The following GABBR2 variants were observed in gnomAD, a reference collection of about 807,000 sequenced individuals.
GABBR2 encodes gamma-aminobutyric acid type B receptor subunit 2.
GABBR2 carries 23 observed loss-of-function variants against 105.6 expected under a neutral mutation model. That is an observed-to-expected ratio of 0.22 (90% CI 0.16 to 0.31). The LOEUF (loss-of-function observed/expected upper bound fraction) is 0.31, where lower values mean the gene tolerates loss of function less well. Among genes scored for constraint, GABBR2 ranks in the 10% least tolerant of loss-of-function variants. The pLI, the probability that GABBR2 is intolerant of heterozygous loss-of-function variation, is 1.00. For missense variants in GABBR2, 734 were observed against 1,245.5 expected (o/e 0.59, Z 6.18); for synonymous variants, 478 against 499.7 (o/e 0.96, Z 0.58).
rs529812338 is a variant in GABBR2, at chr9:98,706,121, A to C, written c.321+2296T>G. On this transcript the variant is annotated intron_variant, in intron 1 of 18. Coordinates refer to ENST00000259455, the MANE Select transcript of GABBR2 (RefSeq NM_005458.8). ...AAAACAAAAAAAACAAAAAAAAAAA[A>C]AAAAAGAAGGAGGAGGAGGAGGGGA... Among the ~76,000 whole-genome samples the C allele has an allele frequency of 1.1e-4, 17 of 149,670 alleles. 1 individual carries two copies. In the South Asian group the frequency reaches 3.6e-3, roughly 31 times the overall value.
intron 1 of GABBR2, among the ~76,000 whole-genome samples, chr9:98,653,145 T>G (rs946621579): frequency 1.3e-5 from 2 of 152,220 alleles, no homozygotes; most frequent in African/African-American, 2.4e-5. Flanking sequence ...TACAGGCATA[T>G]GCCCAAGCCC....
intron 6 of GABBR2, among the ~76,000 whole-genome samples, chr9:98,459,664 G>C (rs1449233718): frequency 6.6e-6 from 1 of 152,200 alleles, no homozygotes; most frequent in Non-Finnish European, 1.5e-5. Context: ...AAAGAGCCAA[G>C]AAAACAAACA....
chr9:98,658,576 C>A (rs752561735), intron 1 of GABBR2, among the ~76,000 whole-genome samples: 37 of 152,150 alleles, frequency 2.4e-4, no homozygotes, highest in Non-Finnish European at 4.7e-4. Context: ...GCGGAACCAG[C>A]ACTCTCACAC....
chr9:98,380,497 A>G (rs894964481), intron 11 of GABBR2, among the ~76,000 whole-genome samples: 25 of 152,214 alleles, frequency 1.6e-4, no homozygotes. Context: ...GGGTCAGCTC[A>G]GCTGCCGGGG....
chr9:98,708,440 C>T lies in GABBR2; in HGVS notation c.298G>A (p.Asp100Asn). 6.5e-7 allele frequency: 1 copy of T among 1,542,012 alleles called. No individual in the cohort carries two copies. The highest frequency in any genetic ancestry group is 1.7e-4 in the Middle Eastern group (1 of 5,750). The change falls in exon 1 of 19, where the codon GAC (aspartate) becomes AAC (asparagine). Residue 100 changes from aspartate to asparagine, a missense_variant. Coordinates refer to ENST00000259455, the MANE Select transcript of GABBR2 (RefSeq NM_005458.8). ...NESLLRPYFL[D>N]LRLYDTECDN... ...ACCTCCGTGTCATAGAGCCGCAGGT[C>T]GAGGAAGTAGGGGCGCAGGAGTGAC...
intron 1 of GABBR2, among the ~76,000 whole-genome samples, chr9:98,630,740 G>C (rs1240809749): frequency 1.3e-5 from 2 of 152,100 alleles, no homozygotes; most frequent in African/African-American, 4.8e-5. Context: ...GAGGCCTCAA[G>C]TCTCTGTTAA....
At chr9:98,505,680 A>G (rs1827495746) in intron 3 of GABBR2, among the ~76,000 whole-genome samples, 1 of 152,206 alleles carries the variant, frequency 6.6e-6, no homozygotes, top group Non-Finnish European at 1.5e-5. Context: ...GCAAAGGGAG[A>G]CTTGGGGCAC....
At chr9:98,403,427 C>T (rs889454755) in intron 8 of GABBR2, among the ~76,000 whole-genome samples, 5 of 151,838 alleles carry the variant, frequency 3.3e-5, no homozygotes, top group South Asian at 2.1e-4. Flanking sequence ...CCTGGGTGTC[C>T]GTGGGAATGT....
chr9:98,585,206 C>G (rs1023983048), intron 1 of GABBR2, among the ~76,000 whole-genome samples: 3 of 152,112 alleles, frequency 2.0e-5, no homozygotes, highest in African/African-American at 7.2e-5. Flanking sequence ...GTGCCCTCAG[C>G]ACTATTCACA....
At position 98,420,902 on chromosome 9, in the gene GABBR2, G is replaced by A. The variant is rs183846662; in HGVS notation, c.1237-14761C>T. On this transcript the variant is annotated intron_variant, in intron 7 of 18. Coordinates refer to ENST00000259455, the MANE Select transcript of GABBR2 (RefSeq NM_005458.8). ...AGAGATAAAGCTCTGAAGGCAGGCA[G>A]GGAGCAGGTGAAGAAAGGCCTGTAG... Among the ~76,000 whole-genome samples, 965 of 152,346 alleles carry A rather than the reference G, an allele frequency of 6.3e-3. 33 individuals are homozygous for A. The highest frequency in any genetic ancestry group is 0.047 in the Admixed American group (715 of 15,306).
intron 1 of GABBR2, among the ~76,000 whole-genome samples, chr9:98,656,202 G>A (rs777854916): frequency 6.6e-5 from 10 of 152,202 alleles, no homozygotes; most frequent in African/African-American, 9.7e-5. Context: ...CAGAGGGCAG[G>A]AGAAGTAAAT....
chr9:98,363,893 C>T (rs1231718285), intron 12 of GABBR2, among the ~76,000 whole-genome samples: 1 of 152,056 alleles, frequency 6.6e-6, no homozygotes, highest in Non-Finnish European at 1.5e-5. Context: ...TTTATATATC[C>T]CCTCACTCTC....
At chr9:98,646,955 C>T (rs2131841849) in intron 1 of GABBR2, among the ~76,000 whole-genome samples, 1 of 152,340 alleles carries the variant, frequency 6.6e-6, no homozygotes, top group East Asian at 1.9e-4. Context: ...AGGACTAGAA[C>T]CTAGGTCTCT....
At chr9:98,476,110 AG>A (rs1173358760) in intron 5 of GABBR2, among the ~76,000 whole-genome samples, 1 of 152,178 alleles carries the variant, frequency 6.6e-6, no homozygotes, top group Non-Finnish European at 1.5e-5. Context: ...GGATATGAAA[AG>A]GCCTTCTGAT....
intron 5 of GABBR2, among the ~76,000 whole-genome samples, chr9:98,474,838 A>G (rs938776366): frequency 2.0e-5 from 3 of 152,186 alleles, no homozygotes; most frequent in Non-Finnish European, 4.4e-5. Context: ...ATCAATTCTA[A>G]CAGTCAGAGG....
chr9:98,477,421 G>A (rs2131637560), intron 5 of GABBR2, among the ~76,000 whole-genome samples: 1 of 152,216 alleles, frequency 6.6e-6, no homozygotes, highest in Non-Finnish European at 1.5e-5. Flanking sequence ...TAAATTTTTT[G>A]TAGAGATGAG....
intron 13 of GABBR2, among the ~76,000 whole-genome samples, chr9:98,322,159 G>C (rs963070626): frequency 4.0e-5 from 6 of 151,778 alleles, no homozygotes; most frequent in Non-Finnish European, 7.4e-5. Flanking sequence ...TGGCCCAGAG[G>C]GGGCACCAGG....
chr9:98,395,689 G>A (rs1227929934), intron 8 of GABBR2, among the ~76,000 whole-genome samples: 1 of 152,168 alleles, frequency 6.6e-6, no homozygotes, highest in African/African-American at 2.4e-5. Flanking sequence ...CCACAGAGAG[G>A]CTGGGAGAAG....
At chr9:98,405,202 TG>T (rs1455258233) in intron 8 of GABBR2, among the ~76,000 whole-genome samples, 1 of 152,146 alleles carries the variant, frequency 6.6e-6, no homozygotes, top group Non-Finnish European at 1.5e-5. Flanking sequence ...ATTGGGCACA[TG>T]GGGGTTCATG....
Sources: gnomAD v4.1 joint callset for allele counts (sites outside exome capture counted in the v4.1 genomes callset) on GRCh38, gnomAD v4.1.1 for gene constraint, MANE v1.5 for transcripts, NCBI Gene and HGNC (gene_info 2026-07-23, HGNC 2026-07-21) for gene names.